Variants in NXPH4 observed in about 807,000 individuals in gnomAD.
The protein encoded by NXPH4 is neurexophilin-4.
A neutral mutation model predicts 21.3 loss-of-function variants in NXPH4; 8 were observed. The observed-to-expected ratio is 0.38, with a 90% CI of 0.22 to 0.68. The LOEUF (loss-of-function observed/expected upper bound fraction) is 0.68. Ranked by LOEUF, NXPH4 falls within the 30% of genes least tolerant of loss-of-function variation. The probability of loss-of-function intolerance (pLI) is 0.53; values close to 1 mark genes in which losing one functional copy is unlikely to be tolerated. For synonymous variants in NXPH4, 219 were observed against 192.6 expected (o/e 1.14, Z -1.13); for missense variants, 418 against 416.8 (o/e 1.00, Z -0.03).
intron 1 of NXPH4, among the ~76,000 whole-genome samples, chr12:57,221,910 A>T (rs2037095362): frequency 6.6e-6 from 1 of 152,146 alleles, no homozygotes; most frequent in Non-Finnish European, 1.5e-5. Flanking sequence ...AGAACCACAG[A>T]CAGAGGGAGA....
intron 1 of NXPH4, among the ~76,000 whole-genome samples, chr12:57,219,379 C>A (rs1592673065): frequency 6.6e-6 from 1 of 152,202 alleles, no homozygotes; most frequent in Non-Finnish European, 1.5e-5. Flanking sequence ...TTCCCTCTCT[C>A]TCTGTCTCCC....
intron 1 of NXPH4, among the ~76,000 whole-genome samples, chr12:57,219,279 G>T (rs956196250): frequency 1.4e-4 from 22 of 152,072 alleles, no homozygotes; most frequent in Non-Finnish European, 2.9e-4. Flanking sequence ...ATTTCTCAGA[G>T]CCTGGGACTC....
In NXPH4 at chr12:57,225,028, C is replaced by T; in HGVS notation, c.208C>T (p.Pro70Ser). Residue 70 changes from proline (P) to serine (S), a missense_variant, in exon 2 of 2, where the codon CCG becomes TCG. Pro to Ser is a moderately conservative substitution (Grantham distance 74). Coordinates refer to ENST00000349394, the MANE Select transcript of NXPH4 (RefSeq NM_007224.4). ...GVGRAWSWAWPTNHTGALARA... is the reference protein window; with the variant it reads ...GVGRAWSWAWSTNHTGALARA... ...GGGCCGCGCCTGGAGCTGGGCCTGG[C>T]CGACCAACCACACGGGGGCGCTGGC... The T allele has an allele frequency of 2.0e-6, 3 of 1,489,976 alleles. No individual in the cohort carries two copies. The highest frequency in any genetic ancestry group is 1.3e-5 in the South Asian group (1 of 77,998). The allele number at this position is 1,489,976 out of a possible 1,614,324, so 92.3% of individuals were successfully genotyped here.
intron 1 of NXPH4, among the ~76,000 whole-genome samples, chr12:57,218,466 G>A (rs2037060155): frequency 6.6e-6 from 1 of 152,214 alleles, no homozygotes; most frequent in Non-Finnish European, 1.5e-5. Flanking sequence ...AAGGCCTGGG[G>A]TCAAGAGGTG....
intron 1 of NXPH4, among the ~76,000 whole-genome samples, chr12:57,223,383 C>G (rs1208454186): frequency 6.6e-6 from 1 of 152,150 alleles, no homozygotes; most frequent in East Asian, 1.9e-4. Flanking sequence ...GGCACATACA[C>G]ACAGTCACCG....
In NXPH4 at chr12:57,224,959, G is replaced by A. The variant is rs746320692; in HGVS notation, c.139G>A (p.Gly47Ser). Residue 47 changes from glycine (G) to serine (S), a missense_variant, in exon 2 of 2, where the codon GGC (glycine) becomes AGC (serine). Gly to Ser is a moderately conservative substitution (Grantham distance 56). Transcript: ENST00000349394. ...RPAAAGAGAP[G>S]QQLPEPRSSD... ...CGCCGCGGCCGGAGCGGGTGCCCCC[G>A]GCCAGCAGCTCCCAGAGCCAAGGTC... 17 of 1,414,874 alleles carry A rather than the reference G, an allele frequency of 1.2e-5. No homozygotes were observed. Among genetic ancestry groups the A allele is most frequent in the East Asian group, 5.7e-5 (2 of 34,884 alleles). The allele number at this position is 1,414,874 out of a possible 1,614,324, so 87.6% of individuals were successfully genotyped here.
intron 1 of NXPH4, among the ~76,000 whole-genome samples, chr12:57,223,411 G>T (rs2037110832): frequency 6.6e-6 from 1 of 151,936 alleles, no homozygotes; most frequent in East Asian, 1.9e-4. Context: ...CAACAGACAT[G>T]CAGCCACGAC....
Position 57,224,860 on chromosome 12 carries a change from C to T in NXPH4, c.58-18C>T, listed in dbSNP as rs749703583. 2 of 747,620 alleles carry T rather than the reference C, an allele frequency of 2.7e-6. No individual in the cohort carries two copies. Among genetic ancestry groups the T allele is most frequent in the South Asian group, 3.1e-5 (1 of 32,566 alleles). The allele number at this position is 747,620 out of a possible 1,614,324, so 46.3% of individuals were successfully genotyped here. ...GGGACAACCCCAGCGTCTCTCTCTCCTCTTTCTTCGTGCACAGGCCGTCAG... is the reference window on the plus strand; with the variant it reads ...GGGACAACCCCAGCGTCTCTCTCTCTTCTTTCTTCGTGCACAGGCCGTCAG... On this transcript the variant is annotated intron_variant, in intron 1 of 1. Transcript: ENST00000349394.
chr12:57,222,965 C>T (rs2037106212), intron 1 of NXPH4, among the ~76,000 whole-genome samples: 1 of 152,172 alleles, frequency 6.6e-6, no homozygotes, highest in African/African-American at 2.4e-5. Context: ...CTTGGCTCTG[C>T]TGTTCCTGTC....
chr12:57,221,062 TC>T (rs1359462654), intron 1 of NXPH4, among the ~76,000 whole-genome samples: 2 of 152,016 alleles, frequency 1.3e-5, no homozygotes, highest in Non-Finnish European at 2.9e-5. Context: ...CTCATCCCTG[TC>T]CCCAGGCCTA....
intron 1 of NXPH4, 36 bp downstream of exon 1, chr12:57,217,062 C>T (rs1237930472): frequency 1.3e-6 from 2 of 1,561,834 alleles, no homozygotes; most frequent in Non-Finnish European, 1.7e-6. Context: ...AGCGCGGGCG[C>T]GGGGTTCCGG....
intron 1 of NXPH4, chr12:57,221,332 C>T (rs909951489): frequency 2.0e-5 from 9 of 455,832 alleles, no homozygotes; most frequent in Non-Finnish European, 2.6e-5. Context: ...TCCCTTCCTC[C>T]GGCCAGATCC....
chr12:57,225,525 G>A lies in NXPH4; in HGVS notation c.705G>A (p.Val235=), dbSNP rs1430153936. The A allele has an allele frequency of 6.2e-7, 1 of 1,612,738 alleles. No homozygotes were observed. The highest frequency in any genetic ancestry group is 8.5e-7 in the Non-Finnish European group (1 of 1,179,948). The change falls in exon 2 of 2, where the codon GTG becomes GTA. Residue 235 remains valine (V), a synonymous_variant. Transcript: ENST00000349394. ...AKESRAFNCH[V]EYEKTNRARK... Reference sequence around the variant, plus strand: ...AGTCACGCGCTTTCAATTGCCACGTGGAGTATGAGAAGACAAACCGCGCGC... The same window carrying A: ...AGTCACGCGCTTTCAATTGCCACGTAGAGTATGAGAAGACAAACCGCGCGC...
intron 1 of NXPH4, among the ~76,000 whole-genome samples, chr12:57,223,695 C>T (rs911936113): frequency 5.3e-5 from 8 of 152,266 alleles, no homozygotes; most frequent in African/African-American, 1.7e-4. Context: ...CTGCTCCCCT[C>T]GCTGGAGCGG....
chr12:57,222,147 T>A (rs535948410), intron 1 of NXPH4, among the ~76,000 whole-genome samples: 1 of 152,268 alleles, frequency 6.6e-6, no homozygotes, highest in African/African-American at 2.4e-5. Context: ...CCTCCCTGTC[T>A]GAACTCCCCT....
Position 57,224,930 on chromosome 12 carries a change from G to T in NXPH4, c.110G>T (p.Arg37Leu). 4 of 1,362,196 alleles carry T rather than the reference G, an allele frequency of 2.9e-6. No individual in the cohort carries two copies. Among genetic ancestry groups the T allele is most frequent in the Non-Finnish European group, 1.9e-6 (2 of 1,044,972 alleles). 84.4% of individuals were successfully genotyped at this position (1,362,196 alleles called of 1,614,324 possible). Residue 37 changes from arginine to leucine, a missense_variant, in exon 2 of 2, where the codon CGC becomes CTC. By Grantham distance (102) the Arg-to-Leu change is moderately radical. Coordinates refer to ENST00000349394, the MANE Select transcript of NXPH4 (RefSeq NM_007224.4). ...ESGRPQYLGL[R>L]PAAAGAGAPG... Reference sequence around the variant, plus strand: ...GGAAGGCCGCAGTACCTGGGGCTGCGCCCCGCCGCGGCCGGAGCGGGTGCC... The same window carrying T: ...GGAAGGCCGCAGTACCTGGGGCTGCTCCCCGCCGCGGCCGGAGCGGGTGCC...
intron 1 of NXPH4, among the ~76,000 whole-genome samples, chr12:57,220,146 G>T (rs1030764144): frequency 6.6e-6 from 1 of 152,188 alleles, no homozygotes; most frequent in African/African-American, 2.4e-5. Context: ...AGGAGGAGTC[G>T]CAGGGCGTGG....
Position 57,226,169 on chromosome 12 carries a change from A to C in NXPH4, c.*422A>C, listed in dbSNP as rs982541586. 4.7e-6 allele frequency: 2 copies of C among 428,326 alleles called. No homozygotes were observed. Among genetic ancestry groups the C allele is most frequent in the Non-Finnish European group, 8.2e-6 (2 of 243,526 alleles). The allele number at this position is 428,326 out of a possible 1,614,324, so 26.5% of individuals were successfully genotyped here. On this transcript the variant is annotated 3_prime_UTR_variant, in exon 2 of 2. Coordinates refer to ENST00000349394, the MANE Select transcript of NXPH4 (RefSeq NM_007224.4). ...CCCAGCGCTTGTCCTGCTTCACCCT[A>C]CCCCGCCTAAGACTGTAAAGGCCTA...
At chr12:57,219,195 A>T (rs1592672996) in intron 1 of NXPH4, among the ~76,000 whole-genome samples, 1 of 151,482 alleles carries the variant, frequency 6.6e-6, no homozygotes, top group African/African-American at 2.4e-5. Flanking sequence ...AACGGCTGAC[A>T]CCTCTGCCTC....
Sources: gnomAD v4.1 joint callset for allele counts (sites outside exome capture counted in the v4.1 genomes callset) on GRCh38, gnomAD v4.1.1 for gene constraint, MANE v1.5 for transcripts, NCBI Gene and HGNC (gene_info 2026-07-23, HGNC 2026-07-21) for gene names.